TMEM177: variants seen among roughly 807,000 people sequenced by gnomAD.
The protein encoded by TMEM177 is transmembrane protein 177.
A neutral mutation model predicts 14.2 loss-of-function variants in TMEM177; 4 were observed. The observed-to-expected ratio is 0.28, with a 90% CI of 0.14 to 0.64. The LOEUF (loss-of-function observed/expected upper bound fraction) is 0.64, where lower values mean the gene tolerates loss of function less well. Ranked by LOEUF, TMEM177 falls within the 30% of genes least tolerant of loss-of-function variation. TMEM177 has a pLI of 0.82. For missense variants in TMEM177, 344 were observed against 405.2 expected (o/e 0.85, Z 1.30); for synonymous variants, 179 against 174.5 (o/e 1.03, Z -0.20).
chr2:119,723,445 C>T, the TMEM177 span, among the ~76,000 whole-genome samples: 1 of 152,210 alleles, frequency 6.6e-6, no homozygotes, highest in East Asian at 1.9e-4. Flanking sequence ...CATAGCTTTG[C>T]TTTCAAGCTC....
the TMEM177 span, among the ~76,000 whole-genome samples, chr2:119,717,989 C>T: frequency 3.3e-5 from 5 of 151,692 alleles, no homozygotes; most frequent in Non-Finnish European, 5.9e-5. Flanking sequence ...CTCCTGCTTC[C>T]CGGTCCCTTC....
At chr2:119,695,781 C>G in the TMEM177 span, among the ~76,000 whole-genome samples, 1 of 152,220 alleles carries the variant, frequency 6.6e-6, no homozygotes, top group Non-Finnish European at 1.5e-5. Context: ...ACAGTTGATC[C>G]TCTTTTGAGA....
the TMEM177 span, among the ~76,000 whole-genome samples, chr2:119,701,973 T>C: frequency 2.0e-5 from 3 of 152,234 alleles, no homozygotes; most frequent in African/African-American, 7.2e-5. Context: ...CTGCAGAATA[T>C]CTCAAGCACG....
At chr2:119,712,011 C>G in the TMEM177 span, among the ~76,000 whole-genome samples, 1 of 152,008 alleles carries the variant, frequency 6.6e-6, no homozygotes, top group Non-Finnish European at 1.5e-5. Flanking sequence ...GTCCTGAGGA[C>G]AGAGACAGGT....
intron 1 of TMEM177, among the ~76,000 whole-genome samples, 198 bp from the exon 2 acceptor site, chr2:119,680,634 C>T (rs2104845348): frequency 6.6e-6 from 1 of 152,310 alleles, no homozygotes; most frequent in African/African-American, 2.4e-5. Flanking sequence ...CATTACGACA[C>T]ACCTGTTTGG....
chr2:119,707,591 C>T, the TMEM177 span, among the ~76,000 whole-genome samples: 1 of 152,216 alleles, frequency 6.6e-6, no homozygotes, highest in Non-Finnish European at 1.5e-5. Flanking sequence ...GGCTCTTCTG[C>T]CCCAAGGGCC....
chr2:119,681,750 G>A lies in TMEM177; in HGVS notation c.897G>A (p.Leu299=), dbSNP rs1189678850. 2.5e-6 allele frequency: 4 copies of A among 1,614,024 alleles called. No individual in the cohort carries two copies. The highest frequency in any genetic ancestry group is 3.3e-5 in the Admixed American group (2 of 60,000). The part of the protein sequence containing the change: ...LPYTTRRDSV[L]QMWRGMLNPG... ...ACACCACCCGCCGGGACTCTGTGCT[G>A]CAGATGTGGAGGGGGATGCTCAATC... The change falls in exon 2 of 2, where the codon CTG becomes CTA. Residue 299 remains leucine (L), a synonymous_variant. Coordinates refer to ENST00000272521, the MANE Select transcript of TMEM177 (RefSeq NM_030577.3).
the TMEM177 span, among the ~76,000 whole-genome samples, chr2:119,719,869 C>A: frequency 6.6e-6 from 1 of 152,306 alleles, no homozygotes; most frequent in East Asian, 1.9e-4. Flanking sequence ...TCATAGCTCA[C>A]TGCAGATTCG....
At chr2:119,687,535 A>G (rs1689034079), downstream of TMEM177, among the ~76,000 whole-genome samples, 1 of 152,150 alleles carries the variant, frequency 6.6e-6, no homozygotes, top group South Asian at 2.1e-4. Flanking sequence ...GAAGTAGAAA[A>G]TCATCAGATC....
At chr2:119,688,932 G>A (rs1472491031), downstream of TMEM177, among the ~76,000 whole-genome samples, 1 of 152,216 alleles carries the variant, frequency 6.6e-6, no homozygotes, top group Non-Finnish European at 1.5e-5. Context: ...CAGCGATGGA[G>A]CGTGGGGACA....
At chr2:119,686,033 C>T (rs1293400476), downstream of TMEM177, 6 of 257,570 alleles carry the variant, frequency 2.3e-5, no homozygotes, top group East Asian at 4.9e-4. Context: ...CTAGGAGGCA[C>T]CAGCTGAGGA....
the TMEM177 span, among the ~76,000 whole-genome samples, chr2:119,701,617 G>A: frequency 3.3e-5 from 5 of 152,210 alleles, no homozygotes; most frequent in African/African-American, 9.7e-5. Flanking sequence ...CAGTGTAACC[G>A]CCCAATGGGT....
At position 119,681,413 on chromosome 2, in the gene TMEM177, C is replaced by T. The variant is rs755651288; in HGVS notation, c.560C>T (p.Ala187Val). The change falls in exon 2 of 2, where the codon GCC becomes GTC. Residue 187 changes from alanine to valine, a missense_variant. Transcript: ENST00000272521. ...GGGACCTGGGCACTGGGCGTGGGTG[C>T]CAAGTACACCCTGGGGCTCCATGCA... ...LAGTWALGVG[A>V]KYTLGLHAGP... The T allele has an allele frequency of 5.0e-6, 8 of 1,613,930 alleles. No homozygotes were observed. The East Asian group carries it at 1.8e-4, about 36-fold the overall frequency.
At chr2:119,717,872 G>A in the TMEM177 span, among the ~76,000 whole-genome samples, 1 of 151,952 alleles carries the variant, frequency 6.6e-6, no homozygotes, top group Non-Finnish European at 1.5e-5. Flanking sequence ...CACCTGTCTC[G>A]GCCTCCCAAA....
chr2:119,708,052 C>T, the TMEM177 span, among the ~76,000 whole-genome samples: 1 of 152,200 alleles, frequency 6.6e-6, no homozygotes. Flanking sequence ...ACTTTCCTGG[C>T]CTTGCCCCCC....
chr2:119,710,783 T>C, the TMEM177 span, among the ~76,000 whole-genome samples: 1 of 151,956 alleles, frequency 6.6e-6, no homozygotes, highest in African/African-American at 2.4e-5. Flanking sequence ...TATTTTTTTT[T>C]GTATTTTTAG....
chr2:119,712,066 G>A, the TMEM177 span, among the ~76,000 whole-genome samples: 2 of 151,938 alleles, frequency 1.3e-5, no homozygotes, highest in African/African-American at 2.4e-5. Flanking sequence ...GAGCAGCCAC[G>A]CTCCAGGGCA....
intron 1 of TMEM177, chr2:119,679,501 G>C (rs565136591): frequency 6.6e-6 from 1 of 151,684 alleles, no homozygotes; most frequent in South Asian, 2.1e-4. Flanking sequence ...AAAAAAGCCC[G>C]AATGATAATG....
the TMEM177 span, among the ~76,000 whole-genome samples, chr2:119,708,504 G>A: frequency 6.6e-6 from 1 of 152,016 alleles, no homozygotes; most frequent in Non-Finnish European, 1.5e-5. Context: ...AAATTCCCCC[G>A]ATTGTTCCAA....
Sources: gnomAD v4.1 joint callset for allele counts (sites outside exome capture counted in the v4.1 genomes callset) on GRCh38, gnomAD v4.1.1 for gene constraint, MANE v1.5 for transcripts, NCBI Gene and HGNC (gene_info 2026-07-23, HGNC 2026-07-21) for gene names.